UNC5C: variants seen among roughly 807,000 people sequenced by gnomAD.
UNC5C encodes unc-5 netrin receptor C, also known as netrin receptor UNC5C.
UNC5C carries 47 observed loss-of-function variants against 99.8 expected under a neutral mutation model. The ratio of observed to expected loss-of-function variants is 0.47; its 90% CI spans 0.37 to 0.60. The LOEUF (loss-of-function observed/expected upper bound fraction) is 0.60, where lower values mean the gene tolerates loss of function less well. UNC5C is among the 20% of genes least tolerant of loss of function. The pLI, the probability that UNC5C is intolerant of heterozygous loss-of-function variation, is 0.00. For synonymous variants in UNC5C, 487 were observed against 452.2 expected, an observed-to-expected ratio of 1.08 and a Z score of -0.98; for missense variants, 1,062 against 1,165.9, an observed-to-expected ratio of 0.91 and a Z score of 1.30.
At chr4:95,318,500 A>G (rs1439120129) in intron 2 of UNC5C, among the ~76,000 whole-genome samples, 1 of 152,208 alleles carries the variant, frequency 6.6e-6, no homozygotes, top group African/African-American at 2.4e-5. Context: ...CTGGATGCAG[A>G]AATCTGATAG....
At chr4:95,327,013 G>A (rs1742914234) in intron 2 of UNC5C, among the ~76,000 whole-genome samples, 1 of 152,004 alleles carries the variant, frequency 6.6e-6, no homozygotes. Flanking sequence ...AGGATAACCA[G>A]GTTTGATTTT....
chr4:95,432,536 T>G (rs1746661442), intron 1 of UNC5C, among the ~76,000 whole-genome samples: 1 of 151,984 alleles, frequency 6.6e-6, no homozygotes, highest in Non-Finnish European at 1.5e-5. Flanking sequence ...AATGAGCAAG[T>G]GACAATTTAC....
At chr4:95,297,837 C>T (rs1459462253) in intron 3 of UNC5C, among the ~76,000 whole-genome samples, 4 of 152,220 alleles carry the variant, frequency 2.6e-5, no homozygotes, top group Non-Finnish European at 5.9e-5. Context: ...TTCCAATCTA[C>T]AGTAGCTTAA....
intron 9 of UNC5C, among the ~76,000 whole-genome samples, 157 bp from the exon 10 acceptor site, chr4:95,216,368 C>G (rs1273388718): frequency 6.6e-6 from 1 of 152,160 alleles, no homozygotes; most frequent in Admixed American, 6.5e-5. Context: ...CATTGGCCTC[C>G]TTACCACGGC....
intron 1 of UNC5C, among the ~76,000 whole-genome samples, chr4:95,511,646 G>A (rs968416264): frequency 8.7e-4 from 133 of 152,176 alleles, no homozygotes; most frequent in Middle Eastern, 3.4e-3. Flanking sequence ...GGATACAACA[G>A]TAACCAGATC....
chr4:95,173,304 TCC>T (rs1736199819), intron 14 of UNC5C, among the ~76,000 whole-genome samples: 1 of 132,400 alleles, frequency 7.6e-6, no homozygotes, highest in Non-Finnish European at 1.6e-5. Context: ...AGAGAGGGCA[TCC>T]CTGTCTTGTG....
chr4:95,344,021 G>A (rs1743677416), intron 1 of UNC5C, among the ~76,000 whole-genome samples: 1 of 152,066 alleles, frequency 6.6e-6, no homozygotes, highest in Non-Finnish European at 1.5e-5. Flanking sequence ...AAGGTAGAAA[G>A]TTTATTCAAA....
At chr4:95,476,919 C>A (rs1042804730) in intron 1 of UNC5C, among the ~76,000 whole-genome samples, 7 of 152,038 alleles carry the variant, frequency 4.6e-5, no homozygotes, top group East Asian at 1.9e-4. Flanking sequence ...CTCTTTTCCA[C>A]AACCTTGTAT....
At chr4:95,338,540 G>T (rs547307304) in intron 1 of UNC5C, among the ~76,000 whole-genome samples, 1 of 152,130 alleles carries the variant, frequency 6.6e-6, no homozygotes, top group East Asian at 1.9e-4. Flanking sequence ...TACAAGTGGA[G>T]GAATCTACTT....
chr4:95,266,037 A>T (rs772618188), intron 4 of UNC5C, among the ~76,000 whole-genome samples: 17 of 152,356 alleles, frequency 1.1e-4, no homozygotes, highest in Non-Finnish European at 1.8e-4. Flanking sequence ...AGTGCCTCTT[A>T]GTGTCTCTAT....
chr4:95,409,364 A>T (rs1329362081), intron 1 of UNC5C, among the ~76,000 whole-genome samples: 1 of 152,170 alleles, frequency 6.6e-6, no homozygotes, highest in African/African-American at 2.4e-5. Flanking sequence ...GACATCAAAC[A>T]GTTCAAGGGA....
chr4:95,499,826 C>A (rs1721733500), intron 1 of UNC5C, among the ~76,000 whole-genome samples: 1 of 152,046 alleles, frequency 6.6e-6, no homozygotes, highest in African/African-American at 2.4e-5. Flanking sequence ...GATGGGAGCA[C>A]TGGGGAGGAA....
chr4:95,505,906 C>A (rs1721906075), intron 1 of UNC5C, among the ~76,000 whole-genome samples: 1 of 151,840 alleles, frequency 6.6e-6, no homozygotes, highest in Non-Finnish European at 1.5e-5. Flanking sequence ...AGAGTAGATA[C>A]AAAGAATACA....
intron 2 of UNC5C, among the ~76,000 whole-genome samples, chr4:95,303,197 C>G (rs1579309528): frequency 6.6e-6 from 1 of 152,204 alleles, no homozygotes; most frequent in East Asian, 1.9e-4. Context: ...AAAGTGTGGC[C>G]CCCAGAGCAG....
At chr4:95,443,216 G>A (rs981394771) in intron 1 of UNC5C, among the ~76,000 whole-genome samples, 1 of 152,190 alleles carries the variant, frequency 6.6e-6, no homozygotes, top group African/African-American at 2.4e-5. Context: ...AAGAAAGTCA[G>A]TGTCACACAG....
intron 3 of UNC5C, among the ~76,000 whole-genome samples, chr4:95,300,576 G>C (rs756974285): frequency 6.6e-6 from 1 of 152,130 alleles, no homozygotes. Context: ...TAAAGTGGTA[G>C]AATGAACTCA....
chr4:95,309,574 C>A (rs1047104337), intron 2 of UNC5C, among the ~76,000 whole-genome samples: 2 of 151,994 alleles, frequency 1.3e-5, no homozygotes, highest in African/African-American at 4.8e-5. Context: ...GGAACTCAGT[C>A]AACTCAAGAG....
At chr4:95,468,538 C>T (rs1747868943) in intron 1 of UNC5C, among the ~76,000 whole-genome samples, 3 of 152,280 alleles carry the variant, frequency 2.0e-5, no homozygotes, top group African/African-American at 7.2e-5. Context: ...TGTACAACAT[C>T]TGGGCACAGT....
intron 14 of UNC5C, 34 bp downstream of exon 14, chr4:95,182,863 C>G (rs761493302): frequency 1.9e-6 from 3 of 1,591,564 alleles, no homozygotes; most frequent in Admixed American, 1.7e-5. Context: ...GTGTCGCACT[C>G]TCCCCTGATT....
Sources: gnomAD v4.1 joint callset for allele counts (sites outside exome capture counted in the v4.1 genomes callset) on GRCh38, gnomAD v4.1.1 for gene constraint, MANE v1.5 for transcripts, NCBI Gene and HGNC (gene_info 2026-07-23, HGNC 2026-07-21) for gene names.